The following FSTL5 variants were observed in gnomAD, a reference collection of about 807,000 sequenced individuals.
The protein encoded by FSTL5 is follistatin like 5, also known as follistatin-related protein 5.
Under a neutral mutation model 89.1 loss-of-function variants are expected in FSTL5, and 62 were observed. That is an observed-to-expected ratio of 0.70 (90% CI 0.57 to 0.86). The LOEUF is 0.86. FSTL5 is among the 40% of genes least tolerant of loss of function. The pLI, the probability that FSTL5 is intolerant of heterozygous loss-of-function variation, is 0.00. For synonymous variants in FSTL5, 383 were observed against 346.2 expected, an observed-to-expected ratio of 1.11 and a Z score of -1.18; for missense variants, 1,057 against 1,001.6, an observed-to-expected ratio of 1.06 and a Z score of -0.75.
intron 2 of FSTL5, among the ~76,000 whole-genome samples, chr4:162,034,852 A>G (rs1434353794): frequency 6.6e-6 from 1 of 152,184 alleles, no homozygotes; most frequent in Non-Finnish European, 1.5e-5. Context: ...TTATTGAATC[A>G]GCTAACTTAG....
chr4:161,422,240 T>G (rs1732015030), intron 15 of FSTL5, among the ~76,000 whole-genome samples: 1 of 152,068 alleles, frequency 6.6e-6, no homozygotes, highest in Non-Finnish European at 1.5e-5. Flanking sequence ...AAATTTCTGT[T>G]GTAAAGGATT....
intron 4 of FSTL5, among the ~76,000 whole-genome samples, chr4:161,814,181 T>C (rs1475242330): frequency 6.6e-6 from 1 of 152,002 alleles, no homozygotes; most frequent in African/African-American, 2.4e-5. Context: ...CAGAGAAGGA[T>C]AAGAAAATGA....
At position 161,386,349 on chromosome 4, in the gene FSTL5, C is replaced by G; in HGVS notation, c.1942G>C (p.Val648Leu). ...TGTGTATATGCCAATGACTGAGGAA[C>G]GCACTTATAGTCCTTCAAGTTAATT... is the stretch of plus-strand genomic sequence containing the variant. ...KTINLKDYKC[V>L]PQSLAYTHLG... The change falls in exon 16 of 16, where the codon GTT becomes CTT. Residue 648 changes from valine (V) to leucine (L), a missense_variant. This residue lies in a region of FSTL5 where 980 missense variants were observed against 903.2 expected (regional missense o/e 1.08). Coordinates refer to ENST00000306100, the MANE Select transcript of FSTL5 (RefSeq NM_020116.5). 1.2e-6 allele frequency: 2 copies of G among 1,613,850 alleles called. No individual in the cohort carries two copies.
intron 1 of FSTL5, among the ~76,000 whole-genome samples, chr4:162,161,240 C>T (rs1361780500): frequency 2.0e-5 from 3 of 151,770 alleles, no homozygotes; most frequent in Non-Finnish European, 2.9e-5. Context: ...CTCCAAAATA[C>T]GGTCATTTCT....
intron 4 of FSTL5, among the ~76,000 whole-genome samples, chr4:161,916,262 T>C (rs533631549): frequency 6.6e-5 from 10 of 152,326 alleles, no homozygotes; most frequent in South Asian, 4.1e-4. Context: ...TTCTGTTCAA[T>C]TGACTCTCAT....
At chr4:161,470,446 A>G (rs986954376) in intron 13 of FSTL5, among the ~76,000 whole-genome samples, 2 of 152,120 alleles carry the variant, frequency 1.3e-5, no homozygotes, top group Non-Finnish European at 2.9e-5. Flanking sequence ...ATTATTCTGT[A>G]TACCTGTCTT....
chr4:161,702,768 C>T (rs1738440990), intron 6 of FSTL5, among the ~76,000 whole-genome samples: 1 of 152,084 alleles, frequency 6.6e-6, no homozygotes, highest in South Asian at 2.1e-4. Flanking sequence ...CTGAGCCTCC[C>T]TTCCTTTATG....
intron 15 of FSTL5, among the ~76,000 whole-genome samples, chr4:161,409,850 A>C (rs1051658984): frequency 6.6e-6 from 1 of 152,194 alleles, no homozygotes; most frequent in Non-Finnish European, 1.5e-5. Flanking sequence ...ACAGCTAACA[A>C]CACCATGACA....
intron 2 of FSTL5, among the ~76,000 whole-genome samples, chr4:162,097,275 T>C (rs1044858284): frequency 1.1e-4 from 16 of 151,728 alleles, no homozygotes; most frequent in Admixed American, 6.6e-5. Flanking sequence ...TTCCATTTTT[T>C]TTTAGCAATG....
intron 5 of FSTL5, among the ~76,000 whole-genome samples, chr4:161,772,835 G>A (rs1489493707): frequency 6.6e-6 from 1 of 150,496 alleles, no homozygotes; most frequent in Non-Finnish European, 1.5e-5. Flanking sequence ...CACAGAACTG[G>A]AAAAAACAAT....
At chr4:161,901,933 T>C (rs2110796616) in intron 4 of FSTL5, among the ~76,000 whole-genome samples, 1 of 152,252 alleles carries the variant, frequency 6.6e-6, no homozygotes, top group Admixed American at 6.5e-5. Flanking sequence ...AGTCTCCATC[T>C]CCATAAAATA....
intron 10 of FSTL5, among the ~76,000 whole-genome samples, chr4:161,535,400 A>T (rs543655205): frequency 6.6e-6 from 1 of 152,244 alleles, no homozygotes; most frequent in African/African-American, 2.4e-5. Flanking sequence ...AAATAATCCA[A>T]TTTAAAAATG....
intron 10 of FSTL5, among the ~76,000 whole-genome samples, chr4:161,522,952 T>C (rs2126518499): frequency 6.6e-6 from 1 of 150,416 alleles, no homozygotes; most frequent in South Asian, 2.1e-4. Flanking sequence ...TCTAATACAC[T>C]TGAGAAAATT....
intron 4 of FSTL5, among the ~76,000 whole-genome samples, chr4:161,856,527 C>G (rs1323030236): frequency 6.6e-6 from 1 of 151,938 alleles, no homozygotes; most frequent in Non-Finnish European, 1.5e-5. Context: ...GCTAGGTACT[C>G]TTCTCAACCT....
chr4:161,686,985 C>A (rs768702520), intron 6 of FSTL5, among the ~76,000 whole-genome samples: 1 of 152,032 alleles, frequency 6.6e-6, no homozygotes, highest in Admixed American at 6.6e-5. Flanking sequence ...GCCGACATTG[C>A]GTATTATCAT....
intron 4 of FSTL5, among the ~76,000 whole-genome samples, chr4:161,787,700 G>A (rs1263599161): frequency 1.3e-5 from 2 of 152,164 alleles, no homozygotes; most frequent in Non-Finnish European, 2.9e-5. Flanking sequence ...ATGCAAGGAT[G>A]TGTGTTTGAG....
At chr4:161,602,253 A>AGAGAGAGAG (rs1734273762) in intron 7 of FSTL5, among the ~76,000 whole-genome samples, 3 of 122,734 alleles carry the variant, frequency 2.4e-5, no homozygotes, top group African/African-American at 9.7e-5. Flanking sequence ...GAGGGAGAGA[A>AGAGAGAGAG]AGAGAGAGAG....
chr4:162,127,663 C>T (rs901296712), intron 1 of FSTL5, among the ~76,000 whole-genome samples: 7 of 151,716 alleles, frequency 4.6e-5, no homozygotes, highest in Non-Finnish European at 7.4e-5. Context: ...AGTTTTGTTA[C>T]ATGCAAATTT....
intron 6 of FSTL5, among the ~76,000 whole-genome samples, chr4:161,725,783 C>T (rs1739377301): frequency 6.6e-6 from 1 of 152,118 alleles, no homozygotes; most frequent in African/African-American, 2.4e-5. Context: ...CTAAAAATCC[C>T]ATATATTAGT....
Sources: allele counts gnomAD v4.1 joint callset (sites outside exome capture counted in the v4.1 genomes callset), GRCh38; gene constraint gnomAD v4.1.1; regional missense constraint gnomAD v4.1.1; transcripts MANE v1.5; gene names NCBI Gene and HGNC (gene_info 2026-07-23, HGNC 2026-07-21).